The following CABYR variants were observed in gnomAD, a reference collection of about 807,000 sequenced individuals.
CABYR encodes the protein calcium binding tyrosine phosphorylation regulated, also known as calcium-binding tyrosine phosphorylation-regulated protein.
A neutral mutation model predicts 36.1 loss-of-function variants in CABYR; 31 were observed. The observed-to-expected ratio is 0.86, with a 90% CI of 0.64 to 1.16. The LOEUF (loss-of-function observed/expected upper bound fraction) is 1.16. Among genes scored for constraint, CABYR ranks in the 50% most tolerant of loss-of-function variants. CABYR has a pLI of 0.00. For synonymous variants in CABYR, 146 were observed against 160.7 expected (o/e 0.91, Z 0.69); for missense variants, 429 against 455.8 (o/e 0.94, Z 0.53).
intron 4 of CABYR, among the ~76,000 whole-genome samples, chr18:24,159,264 T>C (rs2085881888): frequency 6.6e-6 from 1 of 152,210 alleles, no homozygotes; most frequent in African/African-American, 2.4e-5. Context: ...TCCCTGCCAC[T>C]TGCCACCACA....
At position 24,156,111 on chromosome 18, in the gene CABYR, G is replaced by A. The variant is rs542946323; in HGVS notation, c.541+69G>A. On this transcript the variant is annotated intron_variant, in intron 4 of 5. Transcript: ENST00000399496. ...GGTGGATGTGGCAACCAGTATGCCT[G>A]TTGTTATCAAGGAGGTGCCAAGCTC... The A allele has an allele frequency of 1.2e-6, 2 of 1,614,042 alleles. No individual in the cohort carries two copies. Among genetic ancestry groups the A allele is most frequent in the African/African-American group, 1.3e-5 (1 of 74,924 alleles).
chr18:24,152,925 C>T (rs1428542681), intron 3 of CABYR: 1 of 152,262 alleles, frequency 6.6e-6, no homozygotes, highest in African/African-American at 2.4e-5. Flanking sequence ...AGGAGTTGGA[C>T]TTGGGTTTTA....
intron 5 of CABYR, 131 bp downstream of exon 5, chr18:24,160,200 C>T (rs2145889712): frequency 1.5e-6 from 1 of 687,164 alleles, no homozygotes. Context: ...ACTCTAACTT[C>T]CTGGGGTTAC....
rs188072225 is a variant in CABYR at position 24,143,134 on chromosome 18, G to T, written c.20G>T (p.Arg7Ile). The change falls in exon 2 of 6, where the codon AGA becomes ATA. Residue 7 changes from arginine (R) to isoleucine (I), a missense_variant. By Grantham distance (97) the Arg-to-Ile change is moderately conservative. Transcript: ENST00000399496. Reference sequence around the variant, plus strand: ...GCCAAAATGATTTCTTCAAAGCCCAGACTTGTCGTACCCTATGGCCTCAAG... The same window carrying T: ...GCCAAAATGATTTCTTCAAAGCCCATACTTGTCGTACCCTATGGCCTCAAG... MISSKP[R>I]LVVPYGLKTL... The T allele has an allele frequency of 3.4e-5, 54 of 1,610,080 alleles. No homozygotes were observed. In the Admixed American group the frequency reaches 7.6e-4, roughly 23 times the overall value.
intron 4 of CABYR, among the ~76,000 whole-genome samples, chr18:24,158,938 C>G (rs2085871578): frequency 6.6e-6 from 1 of 152,124 alleles, no homozygotes; most frequent in African/African-American, 2.4e-5. Context: ...CTCTGGGGTT[C>G]TCAATCCTAG....
chr18:24,150,107 A>G (rs1407065713), intron 3 of CABYR, among the ~76,000 whole-genome samples: 1 of 152,266 alleles, frequency 6.6e-6, no homozygotes, highest in Non-Finnish European at 1.5e-5. Flanking sequence ...GCACGCTGTC[A>G]CTTCTCAATG....
intron 3 of CABYR, among the ~76,000 whole-genome samples, chr18:24,149,645 C>G (rs534777761): frequency 6.6e-6 from 1 of 152,202 alleles, no homozygotes; most frequent in Admixed American, 6.5e-5. Context: ...CAGGAGTCCA[C>G]GGAGTGGGTG....
chr18:24,149,070 A>T lies in CABYR; in HGVS notation c.199+5657A>T, dbSNP rs527374035. Reference sequence around the variant, plus strand: ...GGTGCGTTTACAATCCCTGAGCTAGACATAAAGGTTCTCCATGTCCCCACC... The same window carrying T: ...GGTGCGTTTACAATCCCTGAGCTAGTCATAAAGGTTCTCCATGTCCCCACC... On this transcript the variant is annotated intron_variant, in intron 3 of 5. Transcript: ENST00000399496. Among the ~76,000 whole-genome samples, 6 of 152,258 alleles carry T rather than the reference A, an allele frequency of 3.9e-5. No individual in the cohort carries two copies. In the East Asian group the frequency reaches 7.7e-4, roughly 20 times the overall value.
intron 3 of CABYR, among the ~76,000 whole-genome samples, chr18:24,151,577 A>G (rs1363777992): frequency 6.6e-6 from 1 of 152,234 alleles, no homozygotes; most frequent in Non-Finnish European, 1.5e-5. Flanking sequence ...AGATAATGAC[A>G]TGAACTCAAT....
intron 4 of CABYR, chr18:24,156,790 A>G (rs1235986216): frequency 6.2e-7 from 1 of 1,614,176 alleles, no homozygotes; most frequent in Non-Finnish European, 8.5e-7. Context: ...GTCTCTGACA[A>G]TACTGGGCAG....
chr18:24,143,377 A>G lies in CABYR; in HGVS notation c.163A>G (p.Ile55Val). The change falls in exon 3 of 6, where the codon ATA (isoleucine) becomes GTA (valine). Residue 55 changes from isoleucine to valine, a missense_variant. Ile to Val is a conservative substitution (Grantham distance 29, BLOSUM62 3). Transcript: ENST00000399496. ...TCCTTCAGGGAATACTACTATGGAT[A>G]TAAAAGATCTGGTTAAACAATTTCA... The part of the protein sequence containing the change: ...TMYRGNTTMD[I>V]KDLVKQFHQI... 6.3e-7 allele frequency: 1 copy of G among 1,582,106 alleles called. No homozygotes were observed. Among genetic ancestry groups the G allele is most frequent in the Non-Finnish European group, 8.6e-7 (1 of 1,157,524 alleles).
chr18:24,149,522 A>T (rs2085556148), intron 3 of CABYR, among the ~76,000 whole-genome samples: 2 of 152,210 alleles, frequency 1.3e-5, no homozygotes, highest in African/African-American at 4.8e-5. Flanking sequence ...CTGCAGGTGG[A>T]GCTGCCTGCC....
At chr18:24,142,561 T>G (rs531642101) in intron 1 of CABYR, among the ~76,000 whole-genome samples, 1 of 152,144 alleles carries the variant, frequency 6.6e-6, no homozygotes, top group South Asian at 2.1e-4. Flanking sequence ...CTCAGGGTCT[T>G]GGCAGGGCTT....
intron 3 of CABYR, among the ~76,000 whole-genome samples, chr18:24,146,433 C>T (rs1162535245): frequency 4.6e-5 from 7 of 152,166 alleles, no homozygotes; most frequent in African/African-American, 1.7e-4. Flanking sequence ...CCTGTAGTCT[C>T]AGCTACTCAG....
At chr18:24,158,664 G>T (rs1255243418) in intron 4 of CABYR, among the ~76,000 whole-genome samples, 1 of 152,188 alleles carries the variant, frequency 6.6e-6, no homozygotes. Flanking sequence ...CTGCACCGGG[G>T]ATAGATGGCC....
chr18:24,155,597 C>A, intron 3 of CABYR, 104 bp from the exon 4 acceptor site: 1 of 849,898 alleles, frequency 1.2e-6, no homozygotes, highest in Non-Finnish European at 1.8e-6. Flanking sequence ...CCTGGGATTA[C>A]AGGCATGAGC....
intron 3 of CABYR, among the ~76,000 whole-genome samples, chr18:24,155,370 A>C (rs748681637): frequency 1.3e-5 from 2 of 152,236 alleles, no homozygotes; most frequent in Non-Finnish European, 2.9e-5. Context: ...AGGGTCTTGG[A>C]CAGGATAAGG....
In CABYR at chr18:24,159,873, G is replaced by A; in HGVS notation, c.943G>A (p.Ala315Thr). 1 of 1,614,136 alleles carries A rather than the reference G, an allele frequency of 6.2e-7. No homozygotes were observed. Among genetic ancestry groups the A allele is most frequent in the Non-Finnish European group, 8.5e-7 (1 of 1,180,046 alleles). ...YQKHTLSPQN[A>T]NPPSGQDVPR... ...GAAACATACCCTAAGTCCCCAGAAT[G>A]CTAATCCTCCAAGTGGACAAGATGT... Residue 315 changes from alanine (A) to threonine (T), a missense_variant, in exon 5 of 6, where the codon GCT becomes ACT. Ala to Thr is a moderately conservative substitution (Grantham distance 58). Transcript: ENST00000399496.
intron 3 of CABYR, among the ~76,000 whole-genome samples, chr18:24,149,472 G>C (rs2085554154): frequency 6.6e-6 from 1 of 152,242 alleles, no homozygotes; most frequent in Admixed American, 6.5e-5. Context: ...CCAGACTCAG[G>C]AGTCCAGCTG....
Sources: allele counts gnomAD v4.1 joint callset (sites outside exome capture counted in the v4.1 genomes callset), GRCh38; gene constraint gnomAD v4.1.1; transcripts MANE v1.5; gene names NCBI Gene and HGNC (gene_info 2026-07-23, HGNC 2026-07-21).